Variants in LY9 observed in about 807,000 individuals in gnomAD.
The protein encoded by LY9 is T-lymphocyte surface antigen Ly-9.
A neutral mutation model predicts 64.6 loss-of-function variants in LY9; 59 were observed. The ratio of observed to expected loss-of-function variants is 0.91; its 90% CI spans 0.74 to 1.13. The LOEUF is 1.13. Among genes scored for constraint, LY9 ranks in the 50% most tolerant of loss-of-function variants. The probability of loss-of-function intolerance (pLI) is 0.00; values close to 1 mark genes in which losing one functional copy is unlikely to be tolerated. For synonymous variants in LY9, 281 were observed against 308.5 expected (o/e 0.91, Z 0.93); for missense variants, 789 against 797.2 (o/e 0.99, Z 0.12).
At chr1:160,801,990 G>C in intron 2 of LY9, 1 of 1,560,536 alleles carries the variant, frequency 6.4e-7, no homozygotes, top group Non-Finnish European at 8.7e-7. Flanking sequence ...GAGCTGGAAG[G>C]GTCCTGCCGA....
At chr1:160,827,231 C>T (rs1243030471) in intron 9 of LY9, among the ~76,000 whole-genome samples, 1 of 152,168 alleles carries the variant, frequency 6.6e-6, no homozygotes, top group Non-Finnish European at 1.5e-5. Context: ...CAAGCTGTTG[C>T]TGGTACCCAA....
At chr1:160,804,451 G>A (rs1208939518) in intron 2 of LY9, among the ~76,000 whole-genome samples, 1 of 152,116 alleles carries the variant, frequency 6.6e-6, no homozygotes, top group African/African-American at 2.4e-5. Context: ...ACTTGATCAT[G>A]TATTATCTTT....
chr1:160,805,695 C>T (rs544845121), intron 2 of LY9, among the ~76,000 whole-genome samples: 1 of 151,524 alleles, frequency 6.6e-6, no homozygotes, highest in South Asian at 2.1e-4. Flanking sequence ...GAGTGGAGTG[C>T]TGAAGTCCTC....
chr1:160,812,340 A>G (rs1370135264), intron 2 of LY9: 1 of 152,240 alleles, frequency 6.6e-6, no homozygotes, highest in Non-Finnish European at 1.5e-5. Context: ...ATCTTCAAAT[A>G]CGGTCACATT....
chr1:160,825,347 T>C (rs1435984282), intron 9 of LY9, among the ~76,000 whole-genome samples: 1 of 152,224 alleles, frequency 6.6e-6, no homozygotes, highest in Non-Finnish European at 1.5e-5. Context: ...GTAATACTTC[T>C]AGAAAAGTGT....
chr1:160,800,220 A>T (rs1292871121), intron 2 of LY9, 138 bp downstream of exon 2: 3 of 637,462 alleles, frequency 4.7e-6, no homozygotes, highest in Non-Finnish European at 8.2e-6. Context: ...CTGCTGCCTG[A>T]GTACAATATA....
At chr1:160,818,788 A>C (rs1193427559) in intron 6 of LY9, among the ~76,000 whole-genome samples, 1 of 152,146 alleles carries the variant, frequency 6.6e-6, no homozygotes, top group African/African-American at 2.4e-5. Flanking sequence ...ACACATACTA[A>C]CAGCTCCGAC....
At chr1:160,824,829 A>C in intron 9 of LY9, 1 of 187,928 alleles carries the variant, frequency 5.3e-6, no homozygotes, top group Non-Finnish European at 9.9e-6. Flanking sequence ...AATACAAAAA[A>C]AATTAGCCAG....
intron 8 of LY9, 68 bp from the exon 9 acceptor site, chr1:160,824,112 AG>A (rs2101837302): frequency 6.3e-7 from 1 of 1,596,414 alleles, no homozygotes; most frequent in Non-Finnish European, 8.6e-7. Flanking sequence ...CCTCTCCTCA[AG>A]GGTTGAGGGT....
In LY9 at chr1:160,816,648, T is replaced by C. The variant is rs759197359; in HGVS notation, c.1127T>C (p.Ile376Thr). 1.9e-5 allele frequency: 31 copies of C among 1,613,792 alleles called. No individual in the cohort carries two copies. The Middle Eastern group carries it at 6.6e-4, about 34-fold the overall frequency. Residue 376 changes from isoleucine (I) to threonine (T), a missense_variant, in exon 5 of 10, where the codon ATC (isoleucine) becomes ACC (threonine). Ile to Thr is a moderately conservative substitution (Grantham distance 89). Coordinates refer to ENST00000263285, the MANE Select transcript of LY9 (RefSeq NM_002348.4). ...TWSLRHSEDG[I>T]CRISLTCSVE... ...AGCCTCAGGCACAGTGAGGATGGCA[T>C]CTGCAGGATCAGCCTGACCTGCTCC...
chr1:160,816,828 G>T lies in LY9; in HGVS notation c.1307G>T (p.Ser436Ile), dbSNP rs1222106776. Residue 436 changes from serine to isoleucine, a missense_variant, in exon 5 of 10, where the codon AGT becomes ATT. Transcript: ENST00000263285. ...TCTASNPVSRSSHQFLSENIC... is the reference protein window; with the variant it reads ...TCTASNPVSRISHQFLSENIC... ...ACAGCCAGCAACCCTGTCAGCAGGA[G>T]TTCCCACCAGTTTCTTTCTGAGAAC... 6 of 1,614,236 alleles carry T rather than the reference G, an allele frequency of 3.7e-6. No homozygotes were observed. In the Admixed American group the frequency reaches 6.7e-5, roughly 18 times the overall value.
In LY9 at chr1:160,813,756, C is replaced by A. The variant is rs767122725; in HGVS notation, c.575C>A (p.Thr192Asn). 3.7e-6 allele frequency: 6 copies of A among 1,613,868 alleles called. No homozygotes were observed. In the Admixed American group the frequency reaches 8.3e-5, roughly 22 times the overall value. The change falls in exon 3 of 10, where the codon ACC becomes AAC. Residue 192 changes from threonine (T) to asparagine (N), a missense_variant. Physicochemically the swap from Thr to Asn is moderately conservative, Grantham distance 65. Transcript: ENST00000263285. ...GAEKSVLYSW[T>N]PREPHASESN... ...GAGAAAAGTGTTCTGTACAGCTGGA[C>A]CCCAAGGGAACCCCATGCTTCTGAG...
chr1:160,813,152 A>G (rs4656271), intron 2 of LY9: 33,846 of 174,484 alleles, frequency 0.19, 4,064 homozygotes, highest in Admixed American at 0.34. Context: ...TGGAGATGGA[A>G]CAAAAGGAAA....
chr1:160,820,382 C>A (rs1294644996), intron 7 of LY9, among the ~76,000 whole-genome samples: 1 of 152,034 alleles, frequency 6.6e-6, no homozygotes, highest in Admixed American at 6.6e-5. Context: ...GAATCCCCAA[C>A]CTGTGCTCAC....
chr1:160,826,417 A>G (rs1557823004), intron 9 of LY9, among the ~76,000 whole-genome samples: 1 of 152,206 alleles, frequency 6.6e-6, no homozygotes, highest in Non-Finnish European at 1.5e-5. Context: ...CATATGTTGC[A>G]CTTATGCCTG....
chr1:160,818,791 G>C (rs1668152908), intron 6 of LY9, among the ~76,000 whole-genome samples: 1 of 152,116 alleles, frequency 6.6e-6, no homozygotes, highest in Admixed American at 6.5e-5. Flanking sequence ...CATACTAACA[G>C]CTCCGACACC....
chr1:160,822,652 T>C (rs1668559835), intron 7 of LY9, among the ~76,000 whole-genome samples: 1 of 152,192 alleles, frequency 6.6e-6, no homozygotes, highest in African/African-American at 2.4e-5. Flanking sequence ...AATTTCTTCT[T>C]AACTCCTGTA....
At chr1:160,806,007 G>T (rs1666963122) in intron 2 of LY9, among the ~76,000 whole-genome samples, 2 of 140,102 alleles carry the variant, frequency 1.4e-5, no homozygotes, top group Admixed American at 7.5e-5. Flanking sequence ...CTTGCTTTTG[G>T]TTTCCATTTG....
intron 4 of LY9, among the ~76,000 whole-genome samples, chr1:160,815,544 A>G (rs1357199820): frequency 2.6e-4 from 39 of 152,252 alleles, no homozygotes; most frequent in Admixed American, 2.5e-3. Flanking sequence ...ACGCCACCAC[A>G]ACCAGCTAAT....
Sources: gnomAD v4.1 joint callset for allele counts (sites outside exome capture counted in the v4.1 genomes callset) on GRCh38, gnomAD v4.1.1 for gene constraint, MANE v1.5 for transcripts, NCBI Gene and HGNC (gene_info 2026-07-23, HGNC 2026-07-21) for gene names.